CEP85L: variants seen among roughly 807,000 people sequenced by gnomAD.
CEP85L encodes the protein centrosomal protein of 85 kDa-like.
A neutral mutation model predicts 100.3 loss-of-function variants in CEP85L; 60 were observed. That is an observed-to-expected ratio of 0.60 (90% confidence interval 0.49 to 0.74). CEP85L has a LOEUF of 0.74. CEP85L is among the 30% of genes least tolerant of loss of function. The pLI is 0.00. For synonymous variants in CEP85L, 319 were observed against 322.7 expected (o/e 0.99, Z 0.12); for missense variants, 973 against 936.2 (o/e 1.04, Z -0.51).
At chr6:118,526,899 T>C (rs1356185785) in intron 3 of CEP85L, among the ~76,000 whole-genome samples, 1 of 152,098 alleles carries the variant, frequency 6.6e-6, no homozygotes, top group Non-Finnish European at 1.5e-5. Flanking sequence ...AATCCACCTC[T>C]TGTTTAGCAT....
At chr6:118,486,107 G>A (rs1484258807) in intron 6 of CEP85L, among the ~76,000 whole-genome samples, 1 of 152,154 alleles carries the variant, frequency 6.6e-6, no homozygotes, top group Non-Finnish European at 1.5e-5. Context: ...TTGGTCACAT[G>A]TTGATCATAC....
At chr6:118,595,762 T>G (rs1781430436) in intron 2 of CEP85L, among the ~76,000 whole-genome samples, 1 of 152,224 alleles carries the variant, frequency 6.6e-6, no homozygotes, top group Non-Finnish European at 1.5e-5. Flanking sequence ...CTGAGGTTTT[T>G]ACAATAATCA....
chr6:118,545,164 CT>C (rs1778123164), intron 3 of CEP85L, among the ~76,000 whole-genome samples: 1 of 152,178 alleles, frequency 6.6e-6, no homozygotes, highest in Admixed American at 6.5e-5. Flanking sequence ...CTTATATTAA[CT>C]TCTGGTCAAA....
chr6:118,611,562 TGG>T (rs1772615482), intron 2 of CEP85L, among the ~76,000 whole-genome samples: 1 of 152,208 alleles, frequency 6.6e-6, no homozygotes, highest in Non-Finnish European at 1.5e-5. Flanking sequence ...AGATAGAAAT[TGG>T]CACAGCAGAT....
chr6:118,674,489 A>G (rs1330984352), intron 1 of CEP85L, among the ~76,000 whole-genome samples: 1 of 151,062 alleles, frequency 6.6e-6, no homozygotes, highest in Non-Finnish European at 1.5e-5. Flanking sequence ...GCGCCACTGT[A>G]CTCCAGCCTG....
At chr6:118,625,813 C>T (rs1388997928) in intron 2 of CEP85L, among the ~76,000 whole-genome samples, 2 of 152,200 alleles carry the variant, frequency 1.3e-5, no homozygotes, top group Non-Finnish European at 2.9e-5. Context: ...CTTGCTATCA[C>T]TCGCCTTCGG....
In CEP85L at chr6:118,659,598, A is replaced by G. The variant is rs533010003; in HGVS notation, c.-27-6790T>C. Among the ~76,000 whole-genome samples, 8 of 152,366 alleles carry G rather than the reference A, an allele frequency of 5.3e-5. No homozygotes were observed. In the South Asian group the frequency reaches 1.7e-3, roughly 32 times the overall value. The stretch of plus-strand genomic sequence containing the variant: ...GGTAGGAGGCAGTAGTTATAGTGAC[A>G]CTAAGGGAGATGGTAGATTGGGAGC... On this transcript the variant is annotated intron_variant, in intron 1 of 13. Transcript: ENST00000368488.
intron 2 of CEP85L, among the ~76,000 whole-genome samples, chr6:118,570,872 CA>C (rs1779846410): frequency 6.6e-6 from 1 of 151,940 alleles, no homozygotes; most frequent in Admixed American, 6.6e-5. Context: ...TCATTACTGT[CA>C]AAACTAAGGA....
intron 2 of CEP85L, among the ~76,000 whole-genome samples, chr6:118,624,090 T>C (rs886781103): frequency 6.6e-6 from 1 of 152,162 alleles, no homozygotes; most frequent in Non-Finnish European, 1.5e-5. Flanking sequence ...GATACACCTG[T>C]GACCCACTTG....
intron 3 of CEP85L, among the ~76,000 whole-genome samples, chr6:118,540,570 C>G (rs1352337686): frequency 6.6e-6 from 1 of 151,944 alleles, no homozygotes; most frequent in Non-Finnish European, 1.5e-5. Flanking sequence ...TCCTGGCCAA[C>G]ATGGTGAAAC....
At chr6:118,616,425 G>A (rs1773049227) in intron 2 of CEP85L, among the ~76,000 whole-genome samples, 1 of 152,034 alleles carries the variant, frequency 6.6e-6, no homozygotes, top group Non-Finnish European at 1.5e-5. Context: ...AAAGCTACTT[G>A]GGAGGCTGAA....
At chr6:118,652,951 T>C (rs1217392266), upstream of CEP85L, 3 of 497,570 alleles carry the variant, frequency 6.0e-6, no homozygotes, top group Non-Finnish European at 1.1e-5. Flanking sequence ...GCAGAAGCTA[T>C]AGCACTATGT....
At chr6:118,708,079 A>G (rs1777660757) in intron 1 of CEP85L, among the ~76,000 whole-genome samples, 1 of 152,208 alleles carries the variant, frequency 6.6e-6, no homozygotes, top group African/African-American at 2.4e-5. Flanking sequence ...ATCCTATAAA[A>G]TAGAAGGCCA....
intron 2 of CEP85L, 73 bp downstream of exon 2, chr6:118,632,380 T>C (rs1223516523): frequency 8.9e-7 from 1 of 1,126,534 alleles, no homozygotes; most frequent in African/African-American, 1.6e-5. Flanking sequence ...CAATAAAACA[T>C]ATCCCCTGAA....
intron 1 of CEP85L, among the ~76,000 whole-genome samples, chr6:118,674,269 T>C (rs970152665): frequency 1.3e-5 from 2 of 152,256 alleles, no homozygotes; most frequent in Non-Finnish European, 2.9e-5. Context: ...CTCACGCCTG[T>C]AATCCCAGCA....
At chr6:118,522,731 T>C (rs574774121) in intron 4 of CEP85L, among the ~76,000 whole-genome samples, 28 of 152,156 alleles carry the variant, frequency 1.8e-4, no homozygotes, top group Admixed American at 7.2e-4. Context: ...ATACAAACTT[T>C]AGCCAGGTAT....
chr6:118,565,314 G>A (rs921821383), intron 3 of CEP85L: 1 of 566,362 alleles, frequency 1.8e-6, no homozygotes, highest in South Asian at 2.4e-5. Context: ...GAACAAGCTA[G>A]GTACAAGGTT....
At chr6:118,651,721 G>T (rs1329229518), upstream of CEP85L, 2 of 934,730 alleles carry the variant, frequency 2.1e-6, no homozygotes, top group African/African-American at 3.6e-5. Context: ...TGCGGGGGGC[G>T]GGTGAGCTAC....
At chr6:118,602,003 C>G (rs1297550001) in intron 2 of CEP85L, among the ~76,000 whole-genome samples, 5 of 152,168 alleles carry the variant, frequency 3.3e-5, no homozygotes, top group Non-Finnish European at 7.3e-5. Flanking sequence ...TTTTACCCAG[C>G]TCCTGTTTAA....
Sources: allele counts gnomAD v4.1 joint callset (sites outside exome capture counted in the v4.1 genomes callset), GRCh38; gene constraint gnomAD v4.1.1; transcripts MANE v1.5; gene names NCBI Gene and HGNC (gene_info 2026-07-23, HGNC 2026-07-21).